Variants in LMBRD1 observed in about 807,000 individuals in gnomAD.
LMBRD1 encodes the protein LMBR1 domain containing 1, also known as lysosomal cobalamin transport escort protein LMBD1.
In LMBRD1, 64 loss-of-function variants were observed where a neutral mutation model predicts 74.8. The observed-to-expected ratio is 0.86, with a 90% CI of 0.70 to 1.05. The LOEUF (loss-of-function observed/expected upper bound fraction) is 1.05, where lower values mean the gene tolerates loss of function less well. Among genes scored for constraint, LMBRD1 ranks in the 50% least tolerant of loss-of-function variants. LMBRD1 has a pLI of 0.00. For missense variants in LMBRD1, 652 were observed against 645.9 expected (o/e 1.01, Z -0.10); for synonymous variants, 204 against 216.3 (o/e 0.94, Z 0.50).
At chr6:69,701,797 T>C in intron 10 of LMBRD1, 92 bp downstream of exon 10, 2 of 898,894 alleles carry the variant, frequency 2.2e-6, no homozygotes, top group Non-Finnish European at 3.6e-6. Flanking sequence ...CTACTTAAGA[T>C]GAACAGCCTA....
chr6:69,689,004 T>A (rs1489516078), intron 14 of LMBRD1, among the ~76,000 whole-genome samples: 1 of 152,046 alleles, frequency 6.6e-6, no homozygotes, highest in Admixed American at 6.5e-5. Context: ...TTGGTGGGAT[T>A]TGGATACTAG....
intron 8 of LMBRD1, among the ~76,000 whole-genome samples, chr6:69,714,408 G>T (rs1378134725): frequency 1.3e-5 from 2 of 152,060 alleles, no homozygotes; most frequent in African/African-American, 4.8e-5. Flanking sequence ...ATTTTTACGC[G>T]ACACTTTCTG....
intron 3 of LMBRD1, among the ~76,000 whole-genome samples, chr6:69,754,656 C>T (rs934859125): frequency 6.6e-6 from 1 of 152,082 alleles, no homozygotes; most frequent in Non-Finnish European, 1.5e-5. Context: ...CTACTACAAA[C>T]CAAAGAATAG....
chr6:69,778,357 T>C (rs1765749299), intron 3 of LMBRD1, among the ~76,000 whole-genome samples: 1 of 152,234 alleles, frequency 6.6e-6, no homozygotes, highest in Non-Finnish European at 1.5e-5. Flanking sequence ...TTGAGTGGAT[T>C]GAGGACACAC....
intron 8 of LMBRD1, 98 bp from the exon 9 acceptor site, chr6:69,713,895 G>A (rs1379505621): frequency 5.2e-6 from 7 of 1,339,516 alleles, no homozygotes; most frequent in African/African-American, 1.5e-5. Context: ...TTTCAGGATG[G>A]ACACTCTTTA....
At chr6:69,721,586 T>TGTGGGCC (rs1766615763) in intron 7 of LMBRD1, among the ~76,000 whole-genome samples, 1 of 152,144 alleles carries the variant, frequency 6.6e-6, no homozygotes, top group African/African-American at 2.4e-5. Flanking sequence ...CCAAGCACAT[T>TGTGGGCC]GTGGGCCTTG....
intron 7 of LMBRD1, among the ~76,000 whole-genome samples, chr6:69,728,649 C>T (rs1278164705): frequency 1.3e-5 from 2 of 152,196 alleles, no homozygotes; most frequent in Non-Finnish European, 2.9e-5. Context: ...TACTGTCAAA[C>T]ACAAGGCCTT....
chr6:69,688,106 G>A lies in LMBRD1; in HGVS notation c.1417+9457C>T, dbSNP rs200395695. On this transcript the variant is annotated intron_variant, in intron 14 of 15. Transcript: ENST00000649934. ...TCACAGTACCACAGAAGGTATTAAC[G>A]AAGATATTAGGAGACTGTCATCACA... 1.2e-4 allele frequency among the ~76,000 whole-genome samples: 18 copies of A among 152,190 alleles called. No individual in the cohort carries two copies. In the East Asian group the frequency reaches 3.5e-3, roughly 29 times the overall value.
chr6:69,740,080 G>A (rs774990200), intron 6 of LMBRD1, among the ~76,000 whole-genome samples: 18 of 151,870 alleles, frequency 1.2e-4, no homozygotes, highest in Middle Eastern at 3.4e-3. Context: ...CACTCTAGCC[G>A]GGGTGACAGA....
chr6:69,759,234 T>A (rs1311648883), intron 3 of LMBRD1, among the ~76,000 whole-genome samples: 1 of 152,166 alleles, frequency 6.6e-6, no homozygotes, highest in Non-Finnish European at 1.5e-5. Flanking sequence ...TGGTAACAAG[T>A]ATATATTTTA....
chr6:69,777,065 T>C (rs1765720687), intron 3 of LMBRD1, among the ~76,000 whole-genome samples: 1 of 152,096 alleles, frequency 6.6e-6, no homozygotes. Context: ...AGAGAATCAC[T>C]TGAACCTGGG....
chr6:69,712,788 G>A (rs1443480207), intron 9 of LMBRD1, among the ~76,000 whole-genome samples: 1 of 152,028 alleles, frequency 6.6e-6, no homozygotes, highest in Non-Finnish European at 1.5e-5. Flanking sequence ...AGTTCCAGAG[G>A]TCTGCCATGA....
At chr6:69,721,483 C>T (rs1235501464) in intron 7 of LMBRD1, among the ~76,000 whole-genome samples, 1 of 152,092 alleles carries the variant, frequency 6.6e-6, no homozygotes, top group African/African-American at 2.4e-5. Context: ...CACCTTGGAC[C>T]AAAAGTGGAT....
At chr6:69,698,076 A>G (rs1766045756) in intron 13 of LMBRD1, among the ~76,000 whole-genome samples, 3 of 152,000 alleles carry the variant, frequency 2.0e-5, no homozygotes, top group Admixed American at 2.0e-4. Context: ...AAAAAGGTAT[A>G]AGAAGTGAGA....
chr6:69,685,462 T>C (rs972581839), intron 14 of LMBRD1, among the ~76,000 whole-genome samples: 2 of 152,142 alleles, frequency 1.3e-5, no homozygotes, highest in African/African-American at 4.8e-5. Context: ...CACAGTGTGG[T>C]TCCCAGACCA....
intron 12 of LMBRD1, 73 bp downstream of exon 12, chr6:69,700,692 C>T (rs1766106896): frequency 1.9e-6 from 2 of 1,046,292 alleles, no homozygotes. Context: ...TATTCTAAAT[C>T]TAAGATAATT....
At chr6:69,681,558 T>C (rs118148554) in intron 14 of LMBRD1, among the ~76,000 whole-genome samples, 1 of 152,152 alleles carries the variant, frequency 6.6e-6, no homozygotes, top group Non-Finnish European at 1.5e-5. Flanking sequence ...AAACCTTCAC[T>C]TGAAATCAAT....
intron 3 of LMBRD1, among the ~76,000 whole-genome samples, chr6:69,774,976 A>AG (rs1765661245): frequency 5.7e-4 from 26 of 45,986 alleles, no homozygotes; most frequent in Non-Finnish European, 8.9e-4. Flanking sequence ...GAAGGAAGGA[A>AG]GGAAGGAAGG....
At chr6:69,720,668 T>A (rs1157522420) in intron 7 of LMBRD1, among the ~76,000 whole-genome samples, 2 of 152,180 alleles carry the variant, frequency 1.3e-5, no homozygotes, top group Non-Finnish European at 2.9e-5. Flanking sequence ...CCAAGAGAGA[T>A]GAAACAAGAT....
Sources: allele counts gnomAD v4.1 joint callset (sites outside exome capture counted in the v4.1 genomes callset), GRCh38; gene constraint gnomAD v4.1.1; transcripts MANE v1.5; gene names NCBI Gene and HGNC (gene_info 2026-07-23, HGNC 2026-07-21).